NRXN3: variants seen among roughly 807,000 people sequenced by gnomAD.
NRXN3 encodes neurexin III.
Under a neutral mutation model 137.6 loss-of-function variants are expected in NRXN3, and 32 were observed. The observed-to-expected ratio is 0.23, with a 90% CI of 0.18 to 0.31. The LOEUF (loss-of-function observed/expected upper bound fraction) is 0.31. NRXN3 is among the 10% of genes least tolerant of loss of function. The pLI is 1.00. For missense variants in NRXN3, 1,574 were observed against 2,062.5 expected, an observed-to-expected ratio of 0.76 and a Z score of 4.59; for synonymous variants, 798 against 784.5, an observed-to-expected ratio of 1.02 and a Z score of -0.29.
intron 4 of NRXN3, among the ~76,000 whole-genome samples, chr14:78,502,916 C>T (rs1251116812): frequency 1.3e-5 from 2 of 152,132 alleles, no homozygotes; most frequent in Non-Finnish European, 2.9e-5. Context: ...AGTCTGTGTC[C>T]AGTGTGATTT....
chr14:78,759,751 A>G (rs919315297), intron 8 of NRXN3, among the ~76,000 whole-genome samples: 1 of 152,236 alleles, frequency 6.6e-6, no homozygotes, highest in Non-Finnish European at 1.5e-5. Context: ...GTTTAAGGAA[A>G]AGCTTAACAG....
At chr14:79,186,905 C>G (rs768115667) in intron 15 of NRXN3, among the ~76,000 whole-genome samples, 1 of 152,116 alleles carries the variant, frequency 6.6e-6, no homozygotes, top group Non-Finnish European at 1.5e-5. Context: ...TCAGGGTGAA[C>G]GCAAAATGTG....
chr14:78,760,386 G>C (rs1434282014), intron 8 of NRXN3, among the ~76,000 whole-genome samples: 1 of 150,700 alleles, frequency 6.6e-6, no homozygotes, highest in African/African-American at 2.5e-5. Context: ...AGAGAGCAGA[G>C]ATGTCTGTTT....
chr14:78,716,687 T>C (rs1373825256), intron 8 of NRXN3, among the ~76,000 whole-genome samples: 1 of 152,206 alleles, frequency 6.6e-6, no homozygotes, highest in Non-Finnish European at 1.5e-5. Flanking sequence ...TTTCAAGGCC[T>C]GTTTTTTTGT....
At chr14:78,301,983 A>G (rs2076917330) in intron 4 of NRXN3, among the ~76,000 whole-genome samples, 1 of 152,116 alleles carries the variant, frequency 6.6e-6, no homozygotes, top group African/African-American at 2.4e-5. Context: ...GAAAGCAGGG[A>G]GAGGAAGAGG....
intron 15 of NRXN3, among the ~76,000 whole-genome samples, chr14:79,448,399 ATTTG>A (rs2096103853): frequency 6.6e-6 from 1 of 151,944 alleles, no homozygotes; most frequent in Non-Finnish European, 1.5e-5. Flanking sequence ...CATTCCATTT[ATTTG>A]TTTATTGTCT....
At chr14:78,811,802 A>T (rs1028834781) in intron 10 of NRXN3, among the ~76,000 whole-genome samples, 2 of 152,232 alleles carry the variant, frequency 1.3e-5, no homozygotes, top group African/African-American at 4.8e-5. Flanking sequence ...TAAAATATCG[A>T]TATAAGCAAC....
chr14:79,807,537 C>A (rs1308400045), intron 20 of NRXN3, among the ~76,000 whole-genome samples: 1 of 152,062 alleles, frequency 6.6e-6, no homozygotes, highest in African/African-American at 2.4e-5. Context: ...CAAACTAAAT[C>A]CATTTGTTTT....
chr14:78,932,383 TTTAG>T (rs1186284091), intron 10 of NRXN3, among the ~76,000 whole-genome samples: 3 of 152,094 alleles, frequency 2.0e-5, no homozygotes, highest in African/African-American at 7.2e-5. Context: ...GGCCTTATAT[TTTAG>T]TTAGTTTGAG....
chr14:78,914,246 A>C (rs1482181568), intron 10 of NRXN3, among the ~76,000 whole-genome samples: 1 of 152,222 alleles, frequency 6.6e-6, no homozygotes, highest in African/African-American at 2.4e-5. Flanking sequence ...CAATTGAATC[A>C]ATGTATTCTG....
intron 15 of NRXN3, among the ~76,000 whole-genome samples, chr14:79,306,853 G>T (rs187978772): frequency 1.6e-3 from 244 of 152,190 alleles, no homozygotes; most frequent in African/African-American, 5.7e-3. Flanking sequence ...CCACATGGGC[G>T]ATTGTGGTTG....
chr14:78,956,868 T>C (rs1342519071), intron 10 of NRXN3, among the ~76,000 whole-genome samples: 1 of 152,240 alleles, frequency 6.6e-6, no homozygotes, highest in Non-Finnish European at 1.5e-5. Context: ...GAAAAAATAC[T>C]ATGGTAAATT....
intron 16 of NRXN3, among the ~76,000 whole-genome samples, chr14:79,507,203 C>T (rs1051617050): frequency 3.9e-5 from 6 of 152,134 alleles, no homozygotes; most frequent in Non-Finnish European, 7.4e-5. Context: ...TGACACTGAG[C>T]TATAGGAAGA....
At chr14:78,860,179 C>T (rs2099068661) in intron 10 of NRXN3, among the ~76,000 whole-genome samples, 1 of 152,126 alleles carries the variant, frequency 6.6e-6, no homozygotes, top group East Asian at 1.9e-4. Context: ...TAAATATTTA[C>T]TGCACTGGGT....
At chr14:78,403,755 C>G in intron 4 of NRXN3, 1 of 985,478 alleles carries the variant, frequency 1.0e-6, no homozygotes, top group Non-Finnish European at 1.2e-6. Context: ...AGACACAGGA[C>G]TGGAGGGCTT....
chr14:78,961,692 C>T (rs557278245), intron 11 of NRXN3, among the ~76,000 whole-genome samples: 1 of 152,302 alleles, frequency 6.6e-6, no homozygotes, highest in East Asian at 1.9e-4. Flanking sequence ...TTCAGTAACT[C>T]CCCCAAGGTA....
chr14:78,831,604 CAG>C (rs1437986811), intron 10 of NRXN3, among the ~76,000 whole-genome samples: 1 of 147,416 alleles, frequency 6.8e-6, no homozygotes, highest in East Asian at 2.0e-4. Context: ...GCAATTTTAG[CAG>C]AGTTTTCATG....
intron 8 of NRXN3, among the ~76,000 whole-genome samples, chr14:78,754,814 T>A (rs184515240): frequency 4.6e-5 from 7 of 150,798 alleles, no homozygotes; most frequent in Non-Finnish European, 1.0e-4. Context: ...GTGAACTCGA[T>A]AACCACCATT....
intron 15 of NRXN3, among the ~76,000 whole-genome samples, chr14:79,016,881 C>G (rs991880034): frequency 2.0e-5 from 3 of 152,044 alleles, no homozygotes; most frequent in African/African-American, 7.2e-5. Flanking sequence ...AGAGTAAACA[C>G]AAGGAGAAAA....
Sources: gnomAD v4.1 joint callset for allele counts (sites outside exome capture counted in the v4.1 genomes callset) on GRCh38, gnomAD v4.1.1 for gene constraint, MANE v1.5 for transcripts, NCBI Gene and HGNC (gene_info 2026-07-23, HGNC 2026-07-21) for gene names.